Variants in SPARCL1 observed in about 807,000 individuals in gnomAD.
The protein encoded by SPARCL1 is SPARC-like protein 1.
A neutral mutation model predicts 67.1 loss-of-function variants in SPARCL1; 52 were observed. The ratio of observed to expected loss-of-function variants is 0.78; its 90% CI spans 0.62 to 0.98. SPARCL1 has a LOEUF of 0.98. Among genes scored for constraint, SPARCL1 ranks in the 50% least tolerant of loss-of-function variants. SPARCL1 has a pLI of 0.00. For missense variants in SPARCL1, 717 were observed against 782.4 expected (o/e 0.92, Z 1.00); for synonymous variants, 226 against 267.8 (o/e 0.84, Z 1.52).
intron 1 of SPARCL1, among the ~76,000 whole-genome samples, chr4:87,527,183 G>A (rs990190018): frequency 2.0e-5 from 3 of 152,200 alleles, no homozygotes; most frequent in African/African-American, 7.2e-5. Context: ...GCTAGCCCTA[G>A]GTAATGCTAT....
At chr4:87,496,611 G>A (rs1371571278) in intron 2 of SPARCL1, among the ~76,000 whole-genome samples, 1 of 152,104 alleles carries the variant, frequency 6.6e-6, no homozygotes, top group Non-Finnish European at 1.5e-5. Flanking sequence ...TAAAAAATAT[G>A]TTATAAATTT....
chr4:87,488,966 A>T (rs1429037615), intron 7 of SPARCL1, among the ~76,000 whole-genome samples: 4 of 152,136 alleles, frequency 2.6e-5, no homozygotes, highest in Non-Finnish European at 5.9e-5. Context: ...TCCCAGGTCA[A>T]CTTCAGACTG....
At position 87,494,282 on chromosome 4, in the gene SPARCL1, T is replaced by C. The variant is rs776854827; in HGVS notation, c.518A>G (p.His173Arg). 4.3e-6 allele frequency: 7 copies of C among 1,614,108 alleles called. No homozygotes were observed. In the East Asian group the frequency reaches 1.3e-4, roughly 31 times the overall value. Residue 173 changes from histidine (H) to arginine (R), a missense_variant, in exon 4 of 11, where the codon CAT (histidine) becomes CGT (arginine). By Grantham distance (29) the His-to-Arg change is conservative. Coordinates refer to ENST00000282470, the MANE Select transcript of SPARCL1 (RefSeq NM_004684.6). ...ATGTTTACTGCTCCTGTTCAACTGA[T>C]GATGTGAATAATTTCTAGGTTGTTC... is the stretch of plus-strand genomic sequence containing the variant. Reference protein sequence around the residue: ...NQEQPRNYSHHQLNRSSKHSQ... With the variant: ...NQEQPRNYSHRQLNRSSKHSQ...
intron 7 of SPARCL1, among the ~76,000 whole-genome samples, chr4:87,487,562 T>C (rs993179648): frequency 6.6e-6 from 1 of 152,196 alleles, no homozygotes; most frequent in Non-Finnish European, 1.5e-5. Flanking sequence ...AATCTGACAA[T>C]TATGTGTCTT....
intron 1 of SPARCL1, among the ~76,000 whole-genome samples, chr4:87,520,415 G>T (rs1200640099): frequency 6.6e-6 from 1 of 152,102 alleles, no homozygotes; most frequent in African/African-American, 2.4e-5. Flanking sequence ...CTCAAAATTT[G>T]CTTTGCCTGA....
intron 1 of SPARCL1, among the ~76,000 whole-genome samples, chr4:87,513,306 T>G (rs1039538241): frequency 2.6e-5 from 4 of 152,232 alleles, no homozygotes; most frequent in Admixed American, 2.0e-4. Flanking sequence ...TTTGGCCAAA[T>G]GTACAAGGCT....
intron 1 of SPARCL1, among the ~76,000 whole-genome samples, chr4:87,524,006 T>C (rs551064160): frequency 2.3e-4 from 35 of 152,362 alleles, no homozygotes; most frequent in African/African-American, 7.9e-4. Flanking sequence ...TGCTCCTTGC[T>C]GCATTTCTGG....
intron 1 of SPARCL1, among the ~76,000 whole-genome samples, chr4:87,527,666 T>C (rs1226346022): frequency 6.6e-6 from 1 of 152,194 alleles, no homozygotes; most frequent in African/African-American, 2.4e-5. Flanking sequence ...AGCACTCTAA[T>C]TGCTCAATGG....
rs540940429 is a variant in SPARCL1, at chr4:87,502,313, C to A, written c.-11-2728G>T. 8.4e-4 allele frequency among the ~76,000 whole-genome samples: 128 copies of A among 152,258 alleles called. 1 individual carries two copies. Among genetic ancestry groups the A allele is most frequent in the Non-Finnish European group, 1.5e-3 (105 of 68,018 alleles). On this transcript the variant is annotated intron_variant, in intron 1 of 10. Coordinates refer to ENST00000282470, the MANE Select transcript of SPARCL1 (RefSeq NM_004684.6). ...TTGTATTGGGAACAGTGTCTTCTTT[C>A]TAGCTATTTGAAATATATAATATCC...
intron 10 of SPARCL1, among the ~76,000 whole-genome samples, chr4:87,478,310 A>G (rs903166270): frequency 2.6e-5 from 4 of 152,174 alleles, no homozygotes; most frequent in African/African-American, 7.2e-5. Context: ...TTTAAAATAT[A>G]TATACCTTGT....
rs1724288783 is a variant in SPARCL1 at position 87,490,746 on chromosome 4, T to A, written c.1410+14A>T. The A allele has an allele frequency of 2.0e-6, 3 of 1,493,360 alleles. No individual in the cohort carries two copies. Among genetic ancestry groups the A allele is most frequent in the Non-Finnish European group, 2.8e-6 (3 of 1,088,590 alleles). 92.5% of individuals were successfully genotyped at this position (1,493,360 alleles called of 1,614,324 possible). A position where few individuals can be genotyped will look rare whatever the true frequency, so the allele number is the denominator to read the frequency against. On this transcript the variant is annotated intron_variant, in intron 6 of 10. Coordinates refer to ENST00000282470, the MANE Select transcript of SPARCL1 (RefSeq NM_004684.6). ...TTTTGGAGCCACTTAAAGACTATTTTGCAGAATACTTACTTGATCAAGGGG... is the reference window on the plus strand; with the variant it reads ...TTTTGGAGCCACTTAAAGACTATTTAGCAGAATACTTACTTGATCAAGGGG...
Position 87,494,586 on chromosome 4 carries a change from A to G in SPARCL1, c.214T>C (p.Ser72Pro). 6.3e-7 allele frequency: 1 copy of G among 1,575,694 alleles called. No homozygotes were observed. ...DDSHHKAEKS[S>P]VLKSKEESHE... ...CTTTCCTCTTTTGACTTTAGTACTG[A>G]TGATTTTTCAGCCTTAAAAGAAAAA... is the stretch of plus-strand genomic sequence containing the variant. Residue 72 changes from serine (S) to proline (P), a missense_variant, in exon 4 of 11, where the codon TCA (serine) becomes CCA (proline). Coordinates refer to ENST00000282470, the MANE Select transcript of SPARCL1 (RefSeq NM_004684.6).
At chr4:87,519,559 C>T (rs1443382943) in intron 1 of SPARCL1, among the ~76,000 whole-genome samples, 1 of 152,062 alleles carries the variant, frequency 6.6e-6, no homozygotes, top group Non-Finnish European at 1.5e-5. Context: ...AACCATTTAC[C>T]ACTCCCCACT....
chr4:87,498,945 C>A (rs1396866581), intron 2 of SPARCL1, among the ~76,000 whole-genome samples: 1 of 151,860 alleles, frequency 6.6e-6, no homozygotes, highest in Non-Finnish European at 1.5e-5. Flanking sequence ...GTGATCTCAG[C>A]TCACTGCAAT....
intron 1 of SPARCL1, among the ~76,000 whole-genome samples, chr4:87,509,190 A>G (rs1725245260): frequency 6.6e-6 from 1 of 151,884 alleles, no homozygotes; most frequent in Admixed American, 6.6e-5. Flanking sequence ...GTAGTTGATA[A>G]TAGCTAACTT....
intron 1 of SPARCL1, among the ~76,000 whole-genome samples, chr4:87,519,457 G>A (rs2110262850): frequency 6.6e-6 from 1 of 152,184 alleles, no homozygotes; most frequent in East Asian, 1.9e-4. Context: ...GAGCTATTTA[G>A]GGCCACTTTG....
chr4:87,497,335 A>AG (rs1285136208), intron 2 of SPARCL1: 1 of 419,856 alleles, frequency 2.4e-6, no homozygotes, highest in African/African-American at 2.2e-5. Context: ...AGCTGCCAGC[A>AG]GGGGGCATCA....
chr4:87,529,331 C>T lies in SPARCL1; in HGVS notation c.-298G>A, dbSNP rs1421066435. On this transcript the variant is annotated 5_prime_UTR_variant, in exon 1 of 11. Coordinates refer to ENST00000282470, the MANE Select transcript of SPARCL1 (RefSeq NM_004684.6). The stretch of plus-strand genomic sequence containing the variant: ...GTTTTTGTTGCAGATTCCTGGATTT[C>T]CCTAGCAGGCTGGCCTCTCATGCGA... 6.6e-6 allele frequency: 1 copy of T among 152,176 alleles called. No homozygotes were observed. Among genetic ancestry groups the T allele is most frequent in the Non-Finnish European group, 1.5e-5 (1 of 68,046 alleles). 9.4% of individuals were successfully genotyped at this position (152,176 alleles called of 1,614,324 possible).
chr4:87,509,223 T>C (rs4693824), intron 1 of SPARCL1, among the ~76,000 whole-genome samples: 46,891 of 151,856 alleles, frequency 0.31, 7,918 homozygotes, highest in East Asian at 0.6. Context: ...AGTACTTAAG[T>C]TCTAGGCACT....
Sources: allele counts gnomAD v4.1 joint callset (sites outside exome capture counted in the v4.1 genomes callset), GRCh38; gene constraint gnomAD v4.1.1; transcripts MANE v1.5; gene names NCBI Gene and HGNC (gene_info 2026-07-23, HGNC 2026-07-21).